The following HECTD2 variants were observed in gnomAD, a reference collection of about 807,000 sequenced individuals.
HECTD2 encodes HECT domain E3 ubiquitin protein ligase 2.
A neutral mutation model predicts 103.2 loss-of-function variants in HECTD2; 35 were observed. The ratio of observed to expected loss-of-function variants is 0.34; its 90% CI spans 0.26 to 0.45. HECTD2 has a LOEUF of 0.45. HECTD2 is among the 20% of genes least tolerant of loss of function. The probability of loss-of-function intolerance (pLI) is 1.00; values close to 1 mark genes in which losing one functional copy is unlikely to be tolerated. For missense variants in HECTD2, 596 were observed against 937.4 expected (o/e 0.64, Z 4.76); for synonymous variants, 281 against 329.9 (o/e 0.85, Z 1.61).
At chr10:91,464,711 T>C (rs2133215069) in intron 5 of HECTD2, 1 of 154,190 alleles carries the variant, frequency 6.5e-6, no homozygotes, top group African/African-American at 2.4e-5. Context: ...CTGACACAGC[T>C]ATAGTTGGAG....
chr10:91,449,575 A>T (rs1193258990), intron 2 of HECTD2, among the ~76,000 whole-genome samples: 1 of 152,182 alleles, frequency 6.6e-6, no homozygotes, highest in East Asian at 1.9e-4. Context: ...AATAAAGGAC[A>T]TTTAAATAGG....
chr10:91,497,126 A>ATTTTTTTT (rs56923120), intron 15 of HECTD2, among the ~76,000 whole-genome samples: 1 of 97,368 alleles, frequency 1.0e-5, no homozygotes, highest in Non-Finnish European at 1.9e-5. Flanking sequence ...TGCCCGGCAA[A>ATTTTTTTT]TTTTTTTTTT....
chr10:91,499,346 G>T (rs977705691), intron 18 of HECTD2, among the ~76,000 whole-genome samples, 196 bp downstream of exon 18: 1 of 152,080 alleles, frequency 6.6e-6, no homozygotes, highest in African/African-American at 2.4e-5. Context: ...ACCCCAGTCA[G>T]TTCATTTTCT....
At chr10:91,496,783 T>C (rs1846682614) in intron 15 of HECTD2, among the ~76,000 whole-genome samples, 1 of 152,222 alleles carries the variant, frequency 6.6e-6, no homozygotes, top group East Asian at 1.9e-4. Flanking sequence ...ACATTTATTA[T>C]GTAAAATATA....
At chr10:91,479,965 T>C (rs571095307) in intron 6 of HECTD2, among the ~76,000 whole-genome samples, 108 of 152,266 alleles carry the variant, frequency 7.1e-4, no homozygotes, top group African/African-American at 2.5e-3. Flanking sequence ...TGCCATTTTT[T>C]ATTGCAGATT....
intron 2 of HECTD2, among the ~76,000 whole-genome samples, chr10:91,455,423 GT>G (rs1214917916): frequency 2.0e-5 from 3 of 151,874 alleles, no homozygotes; most frequent in Non-Finnish European, 2.9e-5. Context: ...GGGGTTGTTT[GT>G]TTTTTTCTTG....
intron 5 of HECTD2, among the ~76,000 whole-genome samples, chr10:91,475,520 G>A (rs1845869914): frequency 6.6e-6 from 1 of 152,076 alleles, no homozygotes; most frequent in Admixed American, 6.5e-5. Context: ...ATAAGCTATA[G>A]ATAATTGATG....
chr10:91,413,858 G>A (rs1018215428), intron 1 of HECTD2, among the ~76,000 whole-genome samples: 9 of 152,132 alleles, frequency 5.9e-5, no homozygotes, highest in Admixed American at 5.9e-4. Context: ...TCAGTGTTTG[G>A]GTCTTGGCCT....
intron 2 of HECTD2, among the ~76,000 whole-genome samples, chr10:91,432,463 C>T (rs557522906): frequency 1.3e-5 from 2 of 151,898 alleles, no homozygotes; most frequent in Non-Finnish European, 2.9e-5. Context: ...GTTTTACCTA[C>T]TGTAACAGCT....
chr10:91,459,464 A>G (rs1421986285), intron 2 of HECTD2, among the ~76,000 whole-genome samples: 1 of 152,082 alleles, frequency 6.6e-6, no homozygotes. Flanking sequence ...ATAGCGGTAC[A>G]CCCAAATAGT....
At chr10:91,485,776 C>T (rs1454334206) in intron 10 of HECTD2, 1 of 152,774 alleles carries the variant, frequency 6.5e-6, no homozygotes, top group Non-Finnish European at 1.5e-5. Context: ...TTGTCTTAGG[C>T]CCATGGTTTG....
chr10:91,478,341 G>A, intron 6 of HECTD2, 76 bp downstream of exon 6: 1 of 873,428 alleles, frequency 1.1e-6, no homozygotes, highest in Non-Finnish European at 1.9e-6. Flanking sequence ...TAACACATGT[G>A]TATGTATTTT....
rs55916968 is a variant in HECTD2, at chr10:91,429,130, G to T, written c.268+3720G>T. Among the ~76,000 whole-genome samples the T allele has an allele frequency of 5.7e-3, 865 of 151,824 alleles. 4 individuals are homozygous for T. Among genetic ancestry groups the T allele is most frequent in the African/African-American group, 0.02 (831 of 41,142 alleles). On this transcript the variant is annotated intron_variant, in intron 2 of 20. Transcript: ENST00000298068. ...CAAAGGCCTTTTCTGCATCTATTGA[G>T]AAAATCATGTGGTTTTTGTCTTTGG...
chr10:91,425,397 TA>T lies in HECTD2; in HGVS notation c.257del (p.Asn86ThrfsTer5). The T allele has an allele frequency of 1.3e-6, 2 of 1,559,468 alleles. No homozygotes were observed. The highest frequency in any genetic ancestry group is 1.2e-5 in the South Asian group (1 of 80,362). Reference protein sequence around the residue: ...RSSPAHLVFPNIKNVREPPPI... With the variant: ...RSSPAHLVFPXIKNVREPPPI... ...GTTCACCTGCACATCTTGTTTTCCC[TA>T]ACATCAAGAATGGTAAATAATTTTT... On this transcript the variant is annotated frameshift_variant, in exon 2 of 21. Coordinates refer to ENST00000298068, the MANE Select transcript of HECTD2 (RefSeq NM_182765.6). LOFTEE classifies it high-confidence loss of function.
At chr10:91,503,755 C>T (rs1192094980) in intron 20 of HECTD2, among the ~76,000 whole-genome samples, 2 of 152,172 alleles carry the variant, frequency 1.3e-5, no homozygotes, top group Admixed American at 1.3e-4. Flanking sequence ...CCAGGAAGCT[C>T]GAACTGGGTG....
intron 2 of HECTD2, among the ~76,000 whole-genome samples, chr10:91,436,384 A>G (rs1315239902): frequency 1.3e-5 from 2 of 152,162 alleles, no homozygotes; most frequent in Non-Finnish European, 2.9e-5. Flanking sequence ...ATTCCCCACG[A>G]AAGTGTCTTC....
rs1398243586 is a variant in HECTD2 at position 91,486,289 on chromosome 10, G to A, written c.1094+986G>A. The A allele has an allele frequency of 6.6e-5, 10 of 152,198 alleles. No individual in the cohort carries two copies. In the East Asian group the frequency reaches 1.7e-3, roughly 26 times the overall value. The allele number at this position is 152,198 out of a possible 1,614,324, so 9.4% of individuals were successfully genotyped here. A position where few individuals can be genotyped will look rare whatever the true frequency, so the allele number is the denominator to read the frequency against. ...AAGAATTTAAGTTCTGGGCACCCTAGTCCCAGATGGATATTTTCTTGGCAA... is the reference window on the plus strand; with the variant it reads ...AAGAATTTAAGTTCTGGGCACCCTAATCCCAGATGGATATTTTCTTGGCAA... On this transcript the variant is annotated intron_variant, in intron 10 of 20. Transcript: ENST00000298068.
chr10:91,445,855 A>G (rs979417922), intron 2 of HECTD2, among the ~76,000 whole-genome samples: 3 of 152,144 alleles, frequency 2.0e-5, no homozygotes, highest in Non-Finnish European at 2.9e-5. Flanking sequence ...ACTCCGGCCC[A>G]GATACTACAC....
chr10:91,428,370 G>C (rs1396294171), intron 2 of HECTD2, among the ~76,000 whole-genome samples: 2 of 150,418 alleles, frequency 1.3e-5, no homozygotes, highest in Non-Finnish European at 2.9e-5. Context: ...GCTCTTTTTT[G>C]GTTCCATATG....
Sources: allele counts gnomAD v4.1 joint callset (sites outside exome capture counted in the v4.1 genomes callset), GRCh38; gene constraint gnomAD v4.1.1; transcripts MANE v1.5; gene names NCBI Gene and HGNC (gene_info 2026-07-23, HGNC 2026-07-21).